The following ARHGAP40 variants were observed in gnomAD, a reference collection of about 807,000 sequenced individuals.
ARHGAP40 encodes Rho GTPase activating protein 40.
In ARHGAP40, 43 loss-of-function variants were observed where a neutral mutation model predicts 73.5. The ratio of observed to expected loss-of-function variants is 0.58; its 90% CI spans 0.46 to 0.75. ARHGAP40 has a LOEUF of 0.75. Among genes scored for constraint, ARHGAP40 ranks in the 30% least tolerant of loss-of-function variants. The pLI is 0.00. For synonymous variants in ARHGAP40, 300 were observed against 352.8 expected, an observed-to-expected ratio of 0.85 and a Z score of 1.68; for missense variants, 734 against 861.8, an observed-to-expected ratio of 0.85 and a Z score of 1.86.
chr20:38,641,879 C>CTCATTCAT (rs548156307), intron 10 of ARHGAP40, 71 bp downstream of exon 10: 1 of 1,098,978 alleles, frequency 9.1e-7, no homozygotes, highest in African/African-American at 1.7e-5. Flanking sequence ...TTCAAATGTG[C>CTCATTCAT]TCATTCATTC....
intron 1 of ARHGAP40, among the ~76,000 whole-genome samples, chr20:38,616,127 G>A (rs999575424): frequency 6.6e-6 from 1 of 152,144 alleles, no homozygotes; most frequent in Non-Finnish European, 1.5e-5. Context: ...AGAGCCAAAG[G>A]CACATGGCAT....
intron 5 of ARHGAP40, among the ~76,000 whole-genome samples, chr20:38,630,837 C>T (rs1190322038): frequency 6.6e-6 from 1 of 152,184 alleles, no homozygotes; most frequent in Non-Finnish European, 1.5e-5. Context: ...TGACTTCTCT[C>T]ATGGAGTAAA....
chr20:38,640,682 A>C (rs984478577), intron 9 of ARHGAP40, among the ~76,000 whole-genome samples: 1 of 150,124 alleles, frequency 6.7e-6, no homozygotes, highest in African/African-American at 2.5e-5. Flanking sequence ...CTCCTTCCCC[A>C]CTGTCTGGCC....
chr20:38,628,979 C>T, exon 4 of ARHGAP40: 2 of 1,305,020 alleles, frequency 1.5e-6, no homozygotes, highest in Non-Finnish European at 1.0e-6. Flanking sequence ...CAGCTCAGTT[C>T]CGGGGCCTCT....
intron 11 of ARHGAP40, 61 bp from the exon 12 acceptor site, chr20:38,645,986 G>T: frequency 8.1e-7 from 1 of 1,239,356 alleles, no homozygotes; most frequent in Non-Finnish European, 1.1e-6. Context: ...CCTGGAGAGG[G>T]CTCTGCCTCT....
At chr20:38,605,981 G>A (rs971921212) in intron 1 of ARHGAP40, among the ~76,000 whole-genome samples, 2 of 151,974 alleles carry the variant, frequency 1.3e-5, no homozygotes, top group African/African-American at 4.8e-5. Context: ...AACCTCCCAG[G>A]CTCAAGTGAT....
At chr20:38,623,448 G>C (rs1262537780) in exon 2 of ARHGAP40, 1 of 1,290,972 alleles carries the variant, frequency 7.7e-7, no homozygotes, top group African/African-American at 1.5e-5. Flanking sequence ...TGTTCCACTG[G>C]AGTGGAGAGC....
intron 1 of ARHGAP40, chr20:38,615,200 A>G (rs564951856): frequency 3.0e-5 from 24 of 790,612 alleles, no homozygotes; most frequent in Admixed American, 5.1e-5. Context: ...CCATGTAGTA[A>G]AGGCTGGTGG....
chr20:38,629,687 C>A (rs372892904), intron 5 of ARHGAP40, 37 bp downstream of exon 5: 1 of 1,299,730 alleles, frequency 7.7e-7, no homozygotes, highest in Non-Finnish European at 1.0e-6. Flanking sequence ...TGGCTAGGTC[C>A]CCCTGTGCTC....
chr20:38,608,344 C>T (rs1017086138), intron 1 of ARHGAP40, among the ~76,000 whole-genome samples: 1 of 152,174 alleles, frequency 6.6e-6, no homozygotes, highest in Non-Finnish European at 1.5e-5. Context: ...CCACCTCCTC[C>T]AGGAAGCCTC....
rs1002353439 is a variant in ARHGAP40, at chr20:38,610,874, A to G, written c.137+8795A>G. Among the ~76,000 whole-genome samples, 5 of 142,614 alleles carry G rather than the reference A, an allele frequency of 3.5e-5. No individual in the cohort carries two copies. The East Asian group carries it at 6.4e-4, about 18-fold the overall frequency. 93.6% of individuals were successfully genotyped at this position (142,614 alleles called of 152,430 possible). A position where few individuals can be genotyped will look rare whatever the true frequency, so the allele number is the denominator to read the frequency against. On this transcript the variant is annotated intron_variant, in intron 1 of 14. Transcript: ENST00000373345. ...AAAAGTCTGTTTTGTCAATCTTGTG[A>G]TGTCTTTTCTTTTTTTTTTTCTTTT...
intron 13 of ARHGAP40, among the ~76,000 whole-genome samples, chr20:38,648,407 C>T (rs758554751): frequency 2.0e-5 from 3 of 152,234 alleles, no homozygotes; most frequent in Non-Finnish European, 4.4e-5. Flanking sequence ...GCGGGGTGCA[C>T]CCCTGGCTGA....
rs2088960599 is a variant in ARHGAP40, at chr20:38,634,478, AGGAT to A, written c.784-138_784-135del. 3 of 566,438 alleles carry A rather than the reference AGGAT, an allele frequency of 5.3e-6. No individual in the cohort carries two copies. In the East Asian group the frequency reaches 2.1e-4, roughly 39 times the overall value. 35.1% of individuals were successfully genotyped at this position (566,438 alleles called of 1,614,324 possible). A position where few individuals can be genotyped will look rare whatever the true frequency, so the allele number is the denominator to read the frequency against. On this transcript the variant is annotated intron_variant, in intron 5 of 14. Transcript: ENST00000373345. ...AGAGGTGGAGCTTGGACTTGACTTG[AGGAT>A]GGACTCCTCTTGAGTGCTTGCTCTT... is the stretch of plus-strand genomic sequence containing the variant.
At chr20:38,642,976 A>C (rs962440179) in intron 10 of ARHGAP40, among the ~76,000 whole-genome samples, 59 of 152,056 alleles carry the variant, frequency 3.9e-4, no homozygotes, top group Non-Finnish European at 7.4e-4. Flanking sequence ...CCCCGTCTGT[A>C]CTACAAATAA....
In ARHGAP40 at chr20:38,637,468, C is replaced by A. The variant is rs112405164; in HGVS notation, c.950-240C>A. Among the ~76,000 whole-genome samples, 868 of 152,130 alleles carry A rather than the reference C, an allele frequency of 5.7e-3. 14 individuals carry two copies. The highest frequency in any genetic ancestry group is 0.02 in the African/African-American group (837 of 41,496). On this transcript the variant is annotated intron_variant, in intron 6 of 14. Transcript: ENST00000373345. ...CCGGCCCTTTCAATACTTCTTTAAC[C>A]AGCTAAGATTTTCTGCTCTGAGACA...
At chr20:38,619,776 C>T (rs1298068023) in intron 1 of ARHGAP40, among the ~76,000 whole-genome samples, 1 of 151,552 alleles carries the variant, frequency 6.6e-6, no homozygotes, top group African/African-American at 2.4e-5. Context: ...AGCACCCCTA[C>T]ATGGCACTGA....
intron 13 of ARHGAP40, 119 bp downstream of exon 13, chr20:38,647,245 G>A: frequency 1.1e-6 from 1 of 906,710 alleles, no homozygotes; most frequent in Non-Finnish European, 1.5e-6. Flanking sequence ...TTCCCTTTCT[G>A]GGGTGGTCAG....
chr20:38,641,929 G>A (rs1257922611), intron 10 of ARHGAP40, 121 bp downstream of exon 10: 1 of 736,762 alleles, frequency 1.4e-6, no homozygotes, highest in Non-Finnish European at 1.9e-6. Context: ...CTAGGGTTCA[G>A]TGATGACCCA....
chr20:38,615,736 G>C lies in ARHGAP40; in HGVS notation c.138-7623G>C, dbSNP rs7508921. Among the ~76,000 whole-genome samples the C allele has an allele frequency of 8.8e-4, 134 of 152,330 alleles. 4 individuals are homozygous for C. In the East Asian group the frequency reaches 0.025, roughly 28 times the overall value. On this transcript the variant is annotated intron_variant, in intron 1 of 14. Coordinates refer to ENST00000373345, the Ensembl canonical transcript of ARHGAP40. ...ACCTGGGAATGGTGTGAGTGGCAGAGAGTGGGCTCACCGCACCTCTGGCAG... is the reference window on the plus strand; with the variant it reads ...ACCTGGGAATGGTGTGAGTGGCAGACAGTGGGCTCACCGCACCTCTGGCAG...
Sources: allele counts gnomAD v4.1 joint callset (sites outside exome capture counted in the v4.1 genomes callset), GRCh38; gene constraint gnomAD v4.1.1; transcripts MANE v1.5; gene names NCBI Gene and HGNC (gene_info 2026-07-23, HGNC 2026-07-21).